C12orf56: variants seen among roughly 807,000 people sequenced by gnomAD.
The protein encoded by C12orf56 is uncharacterized protein C12orf56.
Under a neutral mutation model 69.9 loss-of-function variants are expected in C12orf56, and 71 were observed. The observed-to-expected ratio is 1.02, with a 90% CI of 0.84 to 1.24. The LOEUF is 1.24. Among genes scored for constraint, C12orf56 ranks in the 50% most tolerant of loss-of-function variants. The pLI is 0.00. For synonymous variants in C12orf56, 276 were observed against 274.1 expected (o/e 1.01, Z -0.07); for missense variants, 732 against 738.5 (o/e 0.99, Z 0.10).
intron 3 of C12orf56, among the ~76,000 whole-genome samples, chr12:64,327,584 T>C (rs982423984): frequency 6.6e-6 from 1 of 152,244 alleles, no homozygotes; most frequent in African/African-American, 2.4e-5. Context: ...TTTCACAATG[T>C]GTGGCCCCAT....
intron 8 of C12orf56, among the ~76,000 whole-genome samples, chr12:64,278,561 G>A (rs947057682): frequency 5.3e-5 from 8 of 152,054 alleles, no homozygotes; most frequent in Admixed American, 3.3e-4. Flanking sequence ...TAAATCAAGC[G>A]AATTGACGTA....
intron 6 of C12orf56, among the ~76,000 whole-genome samples, chr12:64,298,204 A>G (rs1326767010): frequency 1.1e-4 from 17 of 152,022 alleles, no homozygotes; most frequent in African/African-American, 3.9e-4. Flanking sequence ...GTCTGTTCAT[A>G]TCCTTTGCCC....
intron 2 of C12orf56, among the ~76,000 whole-genome samples, chr12:64,349,616 C>T (rs1437056874): frequency 6.6e-6 from 1 of 152,150 alleles, no homozygotes; most frequent in Admixed American, 6.5e-5. Flanking sequence ...AACCCAAATG[C>T]CCATCAATCA....
intron 1 of C12orf56, among the ~76,000 whole-genome samples, chr12:64,374,528 CT>C (rs2039615266): frequency 6.6e-5 from 10 of 151,914 alleles, no homozygotes; most frequent in Middle Eastern, 3.4e-3. Context: ...CAAAACATTA[CT>C]TTTTTTTCCA....
intron 2 of C12orf56, among the ~76,000 whole-genome samples, chr12:64,332,656 T>G (rs2038947106): frequency 6.6e-6 from 1 of 152,152 alleles, no homozygotes. Context: ...TCGGTCCCCA[T>G]AAAACCTAGA....
At chr12:64,325,099 C>A (rs770845802) in intron 3 of C12orf56, among the ~76,000 whole-genome samples, 1 of 152,088 alleles carries the variant, frequency 6.6e-6, no homozygotes, top group Non-Finnish European at 1.5e-5. Context: ...TTATACATGA[C>A]CAAGATTGAA....
chr12:64,389,816 G>T (rs11175375), intron 1 of C12orf56, among the ~76,000 whole-genome samples: 12,750 of 152,156 alleles, frequency 0.084, 666 homozygotes, highest in East Asian at 0.13. Context: ...TATTCTTATT[G>T]AGCATCTAAC....
At chr12:64,335,874 C>T (rs1292626320) in intron 2 of C12orf56, among the ~76,000 whole-genome samples, 2 of 152,046 alleles carry the variant, frequency 1.3e-5, no homozygotes, top group Non-Finnish European at 2.9e-5. Context: ...CAAAAATATC[C>T]CCTAGGATTT....
intron 7 of C12orf56, among the ~76,000 whole-genome samples, 171 bp downstream of exon 7, chr12:64,285,783 G>A (rs1390646205): frequency 6.6e-6 from 1 of 151,940 alleles, no homozygotes; most frequent in Admixed American, 6.6e-5. Flanking sequence ...GCGAGACTCT[G>A]TCTCAAGAGA....
At chr12:64,355,420 TC>T (rs2039297895) in intron 1 of C12orf56, among the ~76,000 whole-genome samples, 1 of 152,320 alleles carries the variant, frequency 6.6e-6, no homozygotes, top group East Asian at 1.9e-4. Flanking sequence ...CAATTTTAAT[TC>T]CATTAGTCTT....
rs902646344 is a variant in C12orf56 at position 64,319,924 on chromosome 12, CTGTT to C, written c.489-948_489-945del. ...TCTTGCAACTGCACTGTCTTTTTGT[CTGTT>C]TGTTACGGCTCGAGCTGAGCTTTCG... On this transcript the variant is annotated intron_variant, in intron 3 of 12. Transcript: ENST00000543942. Among the ~76,000 whole-genome samples, 7 of 152,290 alleles carry C rather than the reference CTGTT, an allele frequency of 4.6e-5. No homozygotes were observed. The East Asian group carries it at 5.8e-4, about 13-fold the overall frequency.
In C12orf56 at chr12:64,390,196, G is replaced by A. The variant is rs1052556376; in HGVS notation, c.252+118C>T. 17 of 1,291,914 alleles carry A rather than the reference G, an allele frequency of 1.3e-5. No individual in the cohort carries two copies. In the East Asian group the frequency reaches 2.3e-4, roughly 18 times the overall value. 80.0% of individuals were successfully genotyped at this position (1,291,914 alleles called of 1,614,324 possible). On this transcript the variant is annotated intron_variant, in intron 1 of 12. Coordinates refer to ENST00000543942, the MANE Select transcript of C12orf56 (RefSeq NM_001170633.2). ...TGTGTTCCTCGTTCTCAAATAAGAG[G>A]AGGGGAGTCGAGGGCAGGATGGGGC... is the stretch of plus-strand genomic sequence containing the variant.
At chr12:64,295,587 T>TCAGCTAC (rs2038354859) in intron 6 of C12orf56, among the ~76,000 whole-genome samples, 1 of 152,088 alleles carries the variant, frequency 6.6e-6, no homozygotes, top group Non-Finnish European at 1.5e-5. Context: ...TACTCAGCTA[T>TCAGCTAC]TTGAGCCCAG....
chr12:64,267,083 G>A lies in C12orf56; in HGVS notation c.*100C>T, dbSNP rs2037926500. 4 of 822,172 alleles carry A rather than the reference G, an allele frequency of 4.9e-6. No individual in the cohort carries two copies. Among genetic ancestry groups the A allele is most frequent in the Admixed American group, 2.8e-5 (1 of 35,108 alleles). The allele number at this position is 822,172 out of a possible 1,614,324, so 50.9% of individuals were successfully genotyped here. On this transcript the variant is annotated 3_prime_UTR_variant, in exon 13 of 13. Coordinates refer to ENST00000543942, the MANE Select transcript of C12orf56 (RefSeq NM_001170633.2). ...TCTTTGTTTATAGGACTCAGAGATA[G>A]CCAGATATTAAACAAATAAAAAAAT...
rs35488127 is a variant in C12orf56, at chr12:64,308,940, G to GAAAA, written c.968+3738_968+3739insTTTT. 3.4e-3 allele frequency among the ~76,000 whole-genome samples: 276 copies of GAAAA among 80,874 alleles called. 9 individuals carry two copies. The highest frequency in any genetic ancestry group is 0.012 in the African/African-American group (253 of 21,792). The allele number at this position is 80,874 out of a possible 152,430, so 53.1% of individuals were successfully genotyped here. A position where few individuals can be genotyped will look rare whatever the true frequency, so the allele number is the denominator to read the frequency against. On this transcript the variant is annotated intron_variant, in intron 5 of 12. Transcript: ENST00000543942. ...AGAAAGAAAGAAAGAAAGAAAGAAA[G>GAAAA]AAGAAAGAAAGAAAGAAAGAAAGAA...
chr12:64,343,087 A>C (rs7485996), intron 2 of C12orf56, among the ~76,000 whole-genome samples: 49,474 of 152,046 alleles, frequency 0.33, 8,432 homozygotes, highest in Non-Finnish European at 0.39. Flanking sequence ...CCAAAATTCA[A>C]ATAGGCCCAC....
At chr12:64,275,264 A>T (rs189503199) in intron 10 of C12orf56, 34 bp downstream of exon 10, 1 of 1,011,180 alleles carries the variant, frequency 9.9e-7, no homozygotes, top group Non-Finnish European at 1.4e-6. Context: ...TAGTTACATA[A>T]AATATGTAAA....
At chr12:64,285,501 G>A (rs111989676) in intron 7 of C12orf56, among the ~76,000 whole-genome samples, 2,304 of 152,162 alleles carry the variant, frequency 0.015, 71 homozygotes, top group African/African-American at 0.052. Context: ...AAATCCACAG[G>A]AAGAGACCAG....
chr12:64,333,990 C>A (rs2136870202), intron 2 of C12orf56, among the ~76,000 whole-genome samples: 1 of 152,150 alleles, frequency 6.6e-6, no homozygotes, highest in African/African-American at 2.4e-5. Flanking sequence ...AGTGTAGTGT[C>A]ATCTGCTGCT....
Sources: gnomAD v4.1 joint callset for allele counts (sites outside exome capture counted in the v4.1 genomes callset) on GRCh38, gnomAD v4.1.1 for gene constraint, MANE v1.5 for transcripts, NCBI Gene and HGNC (gene_info 2026-07-23, HGNC 2026-07-21) for gene names.